The following ATP9A variants were observed in gnomAD, a reference collection of about 807,000 sequenced individuals.
ATP9A encodes ATPase phospholipid transporting 9A.
In ATP9A, 52 loss-of-function variants were observed where a neutral mutation model predicts 144.1. The ratio of observed to expected loss-of-function variants is 0.36; its 90% CI spans 0.29 to 0.45. The LOEUF (loss-of-function observed/expected upper bound fraction) is 0.45, where lower values mean the gene tolerates loss of function less well. Among genes scored for constraint, ATP9A ranks in the 20% least tolerant of loss-of-function variants. ATP9A has a pLI of 1.00. For synonymous variants in ATP9A, 582 were observed against 557.4 expected, an observed-to-expected ratio of 1.04 and a Z score of -0.62; for missense variants, 947 against 1,392.7, an observed-to-expected ratio of 0.68 and a Z score of 5.09.
chr20:51,703,187 T>A lies in ATP9A; in HGVS notation c.437-5705A>T, dbSNP rs375937391. Among the ~76,000 whole-genome samples the A allele has an allele frequency of 3.3e-5, 5 of 152,266 alleles. No individual in the cohort carries two copies. In the East Asian group the frequency reaches 5.8e-4, roughly 18 times the overall value. On this transcript the variant is annotated intron_variant, in intron 4 of 27. Transcript: ENST00000338821. ...AACAACCCCACCTCCCACCACAATT[T>A]TCATTTTTCACTGGGTCCCACAAAT...
At chr20:51,745,873 C>T (rs572413261) in intron 1 of ATP9A, among the ~76,000 whole-genome samples, 20 of 152,240 alleles carry the variant, frequency 1.3e-4, no homozygotes, top group Middle Eastern at 3.4e-3. Context: ...TAAAGACACA[C>T]GCACACAAAT....
chr20:51,667,718 G>A (rs936913595), intron 13 of ATP9A, among the ~76,000 whole-genome samples: 2 of 151,998 alleles, frequency 1.3e-5, no homozygotes, highest in Non-Finnish European at 2.9e-5. Flanking sequence ...GGCGAGGAAG[G>A]GGGTCACCTT....
intron 13 of ATP9A, among the ~76,000 whole-genome samples, chr20:51,666,121 T>C (rs368856433): frequency 6.6e-6 from 1 of 152,284 alleles, no homozygotes; most frequent in South Asian, 2.1e-4. Context: ...TAATTTTGCA[T>C]TAATTTTGGA....
At chr20:51,608,922 C>CGTGTGT (rs1214031645) in intron 24 of ATP9A, among the ~76,000 whole-genome samples, 28,611 of 142,736 alleles carry the variant, frequency 0.2, 3,161 homozygotes, top group East Asian at 0.28. Flanking sequence ...GGAAATAAGA[C>CGTGTGT]GTGTGTGTGT....
intron 22 of ATP9A, among the ~76,000 whole-genome samples, chr20:51,614,461 T>C (rs1405813555): frequency 6.6e-6 from 1 of 152,026 alleles, no homozygotes; most frequent in Non-Finnish European, 1.5e-5. Flanking sequence ...CCACCACACC[T>C]GACTAATTTA....
chr20:51,671,646 T>C (rs1359499446), intron 11 of ATP9A, among the ~76,000 whole-genome samples: 3 of 152,244 alleles, frequency 2.0e-5, no homozygotes, highest in East Asian at 3.9e-4. Context: ...ACATTTACAA[T>C]GTTATCAGCC....
chr20:51,606,368 T>C (rs897663787), intron 26 of ATP9A, among the ~76,000 whole-genome samples: 4 of 152,256 alleles, frequency 2.6e-5, no homozygotes, highest in African/African-American at 9.6e-5. Context: ...ATATTATATG[T>C]ACTACAAAAC....
In ATP9A at chr20:51,610,185, G is replaced by A. The variant is rs765454871; in HGVS notation, c.2572-20C>T. ...GACAGCCTGTGCCAAGGAGAGAGGA[G>A]GATGTCACCAAAAGTCATGACAAAA... On this transcript the variant is annotated intron_variant, in intron 23 of 27. Coordinates refer to ENST00000338821, the MANE Select transcript of ATP9A (RefSeq NM_006045.3). The A allele has an allele frequency of 9.5e-6, 15 of 1,584,260 alleles. No individual in the cohort carries two copies. The highest frequency in any genetic ancestry group is 1.3e-5 in the Non-Finnish European group (15 of 1,153,252).
chr20:51,726,076 GGCCGAGGCGA>G, intron 2 of ATP9A, 144 bp from the exon 3 acceptor site: 1 of 620,544 alleles, frequency 1.6e-6, no homozygotes, highest in Non-Finnish European at 2.9e-6. Flanking sequence ...AACTTTGGGA[GGCCGAGGCGA>G]GCGGATCACC....
intron 26 of ATP9A, 42 bp downstream of exon 26, chr20:51,607,485 T>C: frequency 4.6e-6 from 7 of 1,536,034 alleles, no homozygotes; most frequent in Non-Finnish European, 6.3e-6. Context: ...CCTGAGTCAG[T>C]ACCAGAGCAC....
Position 51,625,225 on chromosome 20 carries a change from G to A in ATP9A, c.1983C>T (p.Pro661=), listed in dbSNP as rs764425493. Reference sequence around the variant, plus strand: ...CAGCATTCCTCAGGGTCTCCAGCGTGGGCCGCACATCTGCCTGCAGCTGGT... The same window carrying A: ...CAGCATTCCTCAGGGTCTCCAGCGTAGGCCGCACATCTGCCTGCAGCTGGT... ...VEDQLQADVR[P]TLETLRNAGI... The change falls in exon 18 of 28, where the codon CCC becomes CCT. Residue 661 remains proline, a synonymous_variant. Coordinates refer to ENST00000338821, the MANE Select transcript of ATP9A (RefSeq NM_006045.3). The A allele has an allele frequency of 2.3e-5, 37 of 1,613,708 alleles. No homozygotes were observed. The highest frequency in any genetic ancestry group is 3.0e-5 in the Non-Finnish European group (35 of 1,180,022).
intron 2 of ATP9A, among the ~76,000 whole-genome samples, chr20:51,727,093 A>G (rs1010085808): frequency 1.3e-5 from 2 of 151,308 alleles, no homozygotes; most frequent in Admixed American, 6.6e-5. Context: ...GGATATCAAG[A>G]CCATCCTGCC....
At chr20:51,621,952 C>T in intron 19 of ATP9A, 122 bp downstream of exon 19, 1 of 823,418 alleles carries the variant, frequency 1.2e-6, no homozygotes, top group Non-Finnish European at 2.0e-6. Flanking sequence ...GTGGTTGATG[C>T]TCCCCACCCT....
At chr20:51,614,237 C>T (rs6021323) in intron 22 of ATP9A, among the ~76,000 whole-genome samples, 2,191 of 152,352 alleles carry the variant, frequency 0.014, 54 homozygotes, top group African/African-American at 0.05. Context: ...GCTCTGCACA[C>T]TCACAGAAGT....
intron 4 of ATP9A, among the ~76,000 whole-genome samples, chr20:51,706,098 T>C (rs987107595): frequency 6.6e-6 from 1 of 152,244 alleles, no homozygotes; most frequent in African/African-American, 2.4e-5. Flanking sequence ...ATGAGGAGGC[T>C]AGATTGATAG....
chr20:51,752,603 T>G (rs1483806072), intron 1 of ATP9A, among the ~76,000 whole-genome samples: 1 of 152,136 alleles, frequency 6.6e-6, no homozygotes, highest in Non-Finnish European at 1.5e-5. Flanking sequence ...CAGCCGGCAA[T>G]TCTCTGAAAT....
At chr20:51,643,557 C>T (rs2143718) in intron 14 of ATP9A, among the ~76,000 whole-genome samples, 70,122 of 151,868 alleles carry the variant, frequency 0.46, 17,720 homozygotes, top group East Asian at 0.8. Context: ...CCTTCTGCTG[C>T]GAGAGACAGA....
Position 51,689,071 on chromosome 20 carries a change from G to C in ATP9A, c.792C>G (p.Val264=). The C allele has an allele frequency of 6.2e-7, 1 of 1,613,902 alleles. No homozygotes were observed. Among genetic ancestry groups the C allele is most frequent in the Non-Finnish European group, 8.5e-7 (1 of 1,179,964 alleles). Residue 264 remains valine, a synonymous_variant, in exon 9 of 28, where the codon GTC becomes GTG. Transcript: ENST00000338821. ...CTCAAAACGGCGCCTCACCTGATGC[G>C]ACCACAGTGCCAGCCCACAGCGTGT... The part of the protein sequence containing the change: ...IENTLWAGTV[V]ASGTVVGVVL...
intron 1 of ATP9A, among the ~76,000 whole-genome samples, chr20:51,767,278 G>C (rs1291298339): frequency 6.6e-6 from 1 of 152,022 alleles, no homozygotes; most frequent in Admixed American, 6.6e-5. Flanking sequence ...CCTCCCGCGG[G>C]CTCCAGCCTC....
Sources: allele counts gnomAD v4.1 joint callset (sites outside exome capture counted in the v4.1 genomes callset), GRCh38; gene constraint gnomAD v4.1.1; transcripts MANE v1.5; gene names NCBI Gene and HGNC (gene_info 2026-07-23, HGNC 2026-07-21).